Variants in PSD2 observed in about 807,000 individuals in gnomAD.
PSD2 encodes the protein pleckstrin and Sec7 domain containing 2.
A neutral mutation model predicts 69.8 loss-of-function variants in PSD2; 38 were observed. The observed-to-expected ratio is 0.54, with a 90% CI of 0.42 to 0.71. The LOEUF is 0.71. Ranked by LOEUF, PSD2 falls within the 30% of genes least tolerant of loss-of-function variation. The probability of loss-of-function intolerance (pLI) is 0.00; values close to 1 mark genes in which losing one functional copy is unlikely to be tolerated. For missense variants in PSD2, 943 were observed against 1,014.5 expected, an observed-to-expected ratio of 0.93 and a Z score of 0.96; for synonymous variants, 412 against 423.0, an observed-to-expected ratio of 0.97 and a Z score of 0.32.
chr5:139,827,130 G>T (rs1486074638), intron 7 of PSD2, among the ~76,000 whole-genome samples: 1 of 152,210 alleles, frequency 6.6e-6, no homozygotes, highest in Non-Finnish European at 1.5e-5. Flanking sequence ...CCTAGCCCTG[G>T]GCTAGAGGTG....
At chr5:139,745,879 C>T in the PSD2 span, among the ~76,000 whole-genome samples, 2 of 152,190 alleles carry the variant, frequency 1.3e-5, no homozygotes, top group African/African-American at 4.8e-5. Flanking sequence ...TGTCCGGTCA[C>T]AAACAAGACC....
At chr5:139,759,559 G>A in the PSD2 span, among the ~76,000 whole-genome samples, 2 of 152,150 alleles carry the variant, frequency 1.3e-5, no homozygotes, top group Non-Finnish European at 2.9e-5. Flanking sequence ...CTTGAATTAC[G>A]GAAAGAAGTT....
At chr5:139,822,064 C>G in intron 6 of PSD2, 59 bp downstream of exon 6, 2 of 1,112,706 alleles carry the variant, frequency 1.8e-6, no homozygotes, top group Non-Finnish European at 2.7e-6. Flanking sequence ...GGCCCTGGTC[C>G]CCTCCCATCC....
At chr5:139,800,183 A>G (rs1156663068) in intron 1 of PSD2, among the ~76,000 whole-genome samples, 9 of 152,156 alleles carry the variant, frequency 5.9e-5, no homozygotes, top group African/African-American at 1.7e-4. Context: ...CCCTTACCTC[A>G]TTTTGCTTCT....
the PSD2 span, among the ~76,000 whole-genome samples, chr5:139,747,607 G>T: frequency 1.3e-5 from 2 of 152,232 alleles, no homozygotes; most frequent in East Asian, 1.9e-4. The surrounding 1 kb of genome is among the most constrained non-coding windows in gnomAD (Gnocchi z 6.7). Context: ...GTGCCCAAAG[G>T]GGGCTCTGAG....
At chr5:139,795,666 A>T (rs917626645), upstream of PSD2, among the ~76,000 whole-genome samples, 2 of 151,462 alleles carry the variant, frequency 1.3e-5, no homozygotes. This position sits in a 1 kb window ranked among gnomAD's most constrained non-coding sequence, Gnocchi z 4.5. Context: ...GCTGCGCTGC[A>T]AGCGGACAGG....
intron 5 of PSD2, among the ~76,000 whole-genome samples, chr5:139,821,512 A>G (rs1371969924): frequency 2.0e-5 from 3 of 152,150 alleles, no homozygotes; most frequent in African/African-American, 7.2e-5. Context: ...ACTGAGGAGG[A>G]GCATTCTGAA....
chr5:139,780,799 AATG>A, the PSD2 span, among the ~76,000 whole-genome samples: 1 of 152,180 alleles, frequency 6.6e-6, no homozygotes, highest in Non-Finnish European at 1.5e-5. Flanking sequence ...CAGTCCTGTT[AATG>A]ATGAGAGTAG....
chr5:139,766,574 C>G, the PSD2 span, among the ~76,000 whole-genome samples: 3 of 152,204 alleles, frequency 2.0e-5, no homozygotes, highest in Admixed American at 1.3e-4. Flanking sequence ...TGACCTTGGC[C>G]TGTAGGACCC....
chr5:139,761,543 G>A, the PSD2 span, among the ~76,000 whole-genome samples: 1 of 152,176 alleles, frequency 6.6e-6, no homozygotes, highest in South Asian at 2.1e-4. Context: ...CCCTCACAGG[G>A]TCTTCTTTCC....
At chr5:139,812,452 A>C (rs1393107401) in intron 2 of PSD2, among the ~76,000 whole-genome samples, 2 of 152,226 alleles carry the variant, frequency 1.3e-5, no homozygotes, top group Non-Finnish European at 2.9e-5. Flanking sequence ...GCTGACAAGC[A>C]TATGTTCATT....
chr5:139,756,652 C>G, the PSD2 span, among the ~76,000 whole-genome samples: 6 of 152,160 alleles, frequency 3.9e-5, no homozygotes, highest in African/African-American at 1.4e-4. Flanking sequence ...AGGGAAGAAC[C>G]CAGCTGGTGG....
rs377543476 is a variant in PSD2 at position 139,838,771 on chromosome 5, A to C, written c.1967A>C (p.Gln656Pro). The C allele has an allele frequency of 6.2e-7, 1 of 1,611,630 alleles. No homozygotes were observed. Among genetic ancestry groups the C allele is most frequent in the Non-Finnish European group, 8.5e-7 (1 of 1,178,822 alleles). ...CCCTCCTGCACCACCCGCCTCTGCC[A>C]GGTACATGTTCCTGGGTCAACATTT... The part of the protein sequence containing the change: ...LLPSCTTRLC[Q>P]EEQLRSHENK... Residue 656 changes from glutamine (Q) to proline (P), a missense_variant and splice_region_variant, in exon 13 of 15, where the codon CAG (glutamine) becomes CCG (proline). Physicochemically the swap from Gln to Pro is moderately conservative, Grantham distance 76. This residue lies in a region of PSD2 where 165 missense variants were observed against 168.8 expected (regional missense o/e 0.98). Transcript: ENST00000274710.
chr5:139,761,354 C>T, the PSD2 span, among the ~76,000 whole-genome samples: 1 of 152,304 alleles, frequency 6.6e-6, no homozygotes, highest in African/African-American at 2.4e-5. Flanking sequence ...TCCTGTCTCC[C>T]AGAAATCATT....
chr5:139,797,057 C>G (rs1485007748), intron 1 of PSD2, among the ~76,000 whole-genome samples: 3 of 152,144 alleles, frequency 2.0e-5, no homozygotes, highest in Non-Finnish European at 4.4e-5. Flanking sequence ...GGGACTGCCT[C>G]CAAACCCAAC....
At chr5:139,832,154 T>C (rs935466558) in intron 7 of PSD2, among the ~76,000 whole-genome samples, 7 of 152,346 alleles carry the variant, frequency 4.6e-5, no homozygotes, top group African/African-American at 1.4e-4. Flanking sequence ...ATTAGAAATC[T>C]TGCCGTGTTA....
At chr5:139,771,635 C>T in the PSD2 span, among the ~76,000 whole-genome samples, 1 of 152,152 alleles carries the variant, frequency 6.6e-6, no homozygotes, top group Non-Finnish European at 1.5e-5. Context: ...ACCTCGGCCT[C>T]CCAAAGTGCT....
Position 139,836,952 on chromosome 5 carries a change from G to A in PSD2, c.1545G>A (p.Lys515=). 1 of 1,614,086 alleles carries A rather than the reference G, an allele frequency of 6.2e-7. No homozygotes were observed. Among genetic ancestry groups the A allele is most frequent in the Non-Finnish European group, 8.5e-7 (1 of 1,180,016 alleles). Residue 515 remains lysine, a synonymous_variant, in exon 10 of 15, where the codon AAG becomes AAA. Coordinates refer to ENST00000274710, the MANE Select transcript of PSD2 (RefSeq NM_032289.4). ...AGGCGCTCAGTGCCACCACCTACAA[G>A]CACGGCGTCCTGACCCGGAAGACTC... The part of the protein sequence containing the change: ...VPQALSATTY[K]HGVLTRKTHA...
the PSD2 span, among the ~76,000 whole-genome samples, chr5:139,750,040 A>C: frequency 1.3e-5 from 2 of 149,662 alleles, no homozygotes; most frequent in South Asian, 2.1e-4. Context: ...AAAAAAAAAA[A>C]CCAGGCTGGG....
Sources: gnomAD v4.1 joint callset for allele counts (sites outside exome capture counted in the v4.1 genomes callset) on GRCh38, gnomAD v4.1.1 for gene constraint, gnomAD v4.1.1 regional missense constraint, Gnocchi (gnomAD v3.1) non-coding constraint, MANE v1.5 for transcripts, NCBI Gene and HGNC (gene_info 2026-07-23, HGNC 2026-07-21) for gene names.